GLYR1: variants seen among roughly 807,000 people sequenced by gnomAD.
GLYR1 encodes cytokine-like nuclear factor N-PAC.
A neutral mutation model predicts 72.7 loss-of-function variants in GLYR1; 21 were observed. That is an observed-to-expected ratio of 0.29 (90% CI 0.20 to 0.42). The LOEUF is 0.42. Ranked by LOEUF, GLYR1 falls within the 10% of genes least tolerant of loss-of-function variation. The pLI, the probability that GLYR1 is intolerant of heterozygous loss-of-function variation, is 1.00. For missense variants in GLYR1, 594 were observed against 712.1 expected (o/e 0.83, Z 1.89); for synonymous variants, 392 against 270.2 (o/e 1.45, Z -4.42).
intron 10 of GLYR1, among the ~76,000 whole-genome samples, chr16:4,816,026 T>C (rs9935151): frequency 1 from 152,379 of 152,380 alleles, 76,189 homozygotes; most frequent in Non-Finnish European, 1. Flanking sequence ...GTCTCTGCCT[T>C]CCAAAGTGCT....
intron 5 of GLYR1, among the ~76,000 whole-genome samples, chr16:4,827,319 G>C (rs1435847141): frequency 6.6e-6 from 1 of 152,104 alleles, no homozygotes; most frequent in Non-Finnish European, 1.5e-5. Flanking sequence ...GGGATGTATC[G>C]CATTTAAAAC....
At chr16:4,842,065 C>A (rs566301211) in intron 3 of GLYR1, among the ~76,000 whole-genome samples, 2 of 151,966 alleles carry the variant, frequency 1.3e-5, no homozygotes, top group African/African-American at 2.4e-5. Flanking sequence ...CATGGTGAAA[C>A]CCTGCCTCTA....
Position 4,810,929 on chromosome 16 carries a change from AC to A in GLYR1, c.1587+240del, listed in dbSNP as rs1403800019. On this transcript the variant is annotated intron_variant, in intron 15 of 15. Transcript: ENST00000321919. ...AGACCAGCCTGAACAACAAGGAGAAACCCCATCTCTGCTAAAAATACAAAAA... is the reference window on the plus strand; with the variant it reads ...AGACCAGCCTGAACAACAAGGAGAAACCCATCTCTGCTAAAAATACAAAAA... 2.0e-5 allele frequency among the ~76,000 whole-genome samples: 3 copies of A among 151,570 alleles called. No individual in the cohort carries two copies. In the East Asian group the frequency reaches 5.8e-4, roughly 29 times the overall value.
intron 3 of GLYR1, chr16:4,839,602 T>C (rs2085397643): frequency 6.6e-6 from 1 of 152,174 alleles, no homozygotes; most frequent in Admixed American, 6.5e-5. Context: ...GTCTTGGCCA[T>C]CTCGCTCAGG....
At chr16:4,822,089 T>C in intron 7 of GLYR1, among the ~76,000 whole-genome samples, 1 of 107,264 alleles carries the variant, frequency 9.3e-6, no homozygotes, top group Non-Finnish European at 2.0e-5. Context: ...GCTGGCTGAG[T>C]TTTAAATGCT....
At chr16:4,823,028 C>A (rs1044137583) in intron 6 of GLYR1, 97 bp from the exon 7 acceptor site, 2 of 970,866 alleles carry the variant, frequency 2.1e-6, no homozygotes, top group South Asian at 1.3e-5. Flanking sequence ...TGCAACACCT[C>A]TGGATTCTGG....
At chr16:4,841,759 T>C (rs2085572032) in intron 3 of GLYR1, among the ~76,000 whole-genome samples, 1 of 152,210 alleles carries the variant, frequency 6.6e-6, no homozygotes, top group Admixed American at 6.5e-5. Flanking sequence ...AATTATTCAT[T>C]TAGCTAATGA....
At chr16:4,817,280 C>T (rs1393038006) in intron 10 of GLYR1, among the ~76,000 whole-genome samples, 7 of 151,926 alleles carry the variant, frequency 4.6e-5, no homozygotes, top group South Asian at 2.1e-4. Context: ...CCACCACGCC[C>T]GGCTAATTTT....
chr16:4,828,557 G>A (rs1236453416), intron 5 of GLYR1, among the ~76,000 whole-genome samples: 1 of 152,188 alleles, frequency 6.6e-6, no homozygotes, highest in East Asian at 1.9e-4. Context: ...CCCAAGGGCT[G>A]TCTGCAGTTT....
Position 4,822,790 on chromosome 16 carries a change from T to C in GLYR1, c.681+85A>G. Reference sequence around the variant, plus strand: ...GCAATACACCGGCAGAGCCTAACTTTTCAGATGGCCAGGCCAGGACCCAGT... The same window carrying C: ...GCAATACACCGGCAGAGCCTAACTTCTCAGATGGCCAGGCCAGGACCCAGT... On this transcript the variant is annotated intron_variant, in intron 7 of 15. Transcript: ENST00000321919. 5.9e-6 allele frequency: 7 copies of C among 1,185,722 alleles called. No individual in the cohort carries two copies. In the South Asian group the frequency reaches 7.3e-5, roughly 12 times the overall value. 73.5% of individuals were successfully genotyped at this position (1,185,722 alleles called of 1,614,324 possible). A position where few individuals can be genotyped will look rare whatever the true frequency, so the allele number is the denominator to read the frequency against.
At chr16:4,817,320 C>T (rs1329593692) in intron 10 of GLYR1, among the ~76,000 whole-genome samples, 10 of 151,844 alleles carry the variant, frequency 6.6e-5, no homozygotes, top group Admixed American at 1.3e-4. Flanking sequence ...GGGGTTTCAC[C>T]GTGTTAGCCA....
intron 5 of GLYR1, 116 bp from the exon 6 acceptor site, chr16:4,824,023 C>G (rs2084219531): frequency 1.4e-6 from 1 of 720,616 alleles, no homozygotes; most frequent in Non-Finnish European, 2.4e-6. Context: ...GTTCTGATGA[C>G]CGTCCCTCGG....
intron 10 of GLYR1, among the ~76,000 whole-genome samples, chr16:4,816,810 AC>A (rs759489826): frequency 6.6e-6 from 1 of 151,942 alleles, no homozygotes; most frequent in East Asian, 2.0e-4. Context: ...ACATGGTGAA[AC>A]CCCTTCTCTA....
chr16:4,807,219 C>T (rs1470290434), intron 15 of GLYR1, among the ~76,000 whole-genome samples: 1 of 148,660 alleles, frequency 6.7e-6, no homozygotes, highest in African/African-American at 2.5e-5. Flanking sequence ...TCAAGTGATT[C>T]TCCTGTCCCA....
chr16:4,834,089 T>A (rs946429143), intron 3 of GLYR1, among the ~76,000 whole-genome samples: 42 of 152,256 alleles, frequency 2.8e-4, no homozygotes, highest in Admixed American at 4.6e-4. Context: ...TTACTAACCC[T>A]CCACCAGCTA....
At chr16:4,805,858 G>A (rs2082938029) in intron 15 of GLYR1, among the ~76,000 whole-genome samples, 1 of 152,050 alleles carries the variant, frequency 6.6e-6, no homozygotes, top group Non-Finnish European at 1.5e-5. Flanking sequence ...GCAGGTGCCT[G>A]TAATCCCAGC....
At chr16:4,838,347 TCA>T (rs2085300044) in intron 3 of GLYR1, among the ~76,000 whole-genome samples, 1 of 152,196 alleles carries the variant, frequency 6.6e-6, no homozygotes, top group African/African-American at 2.4e-5. Context: ...CACTGGTCTC[TCA>T]GTTTCCTCAT....
At chr16:4,828,618 G>T (rs2084585909) in intron 5 of GLYR1, among the ~76,000 whole-genome samples, 1 of 151,980 alleles carries the variant, frequency 6.6e-6, no homozygotes, top group African/African-American at 2.4e-5. Flanking sequence ...TGGCCTCTGG[G>T]GTTCTCACTG....
chr16:4,803,679 A>C lies in GLYR1; in HGVS notation c.*1557T>G, dbSNP rs2082812746. 6.6e-6 allele frequency: 1 copy of C among 151,586 alleles called. No individual in the cohort carries two copies. The highest frequency in any genetic ancestry group is 1.5e-5 in the Non-Finnish European group (1 of 67,958). 9.4% of individuals were successfully genotyped at this position (151,586 alleles called of 1,614,324 possible). ...GAACTGTGCTAAAAACCCGACAGGC[A>C]TCTTCCCTGCCCTCCCCCCACTCGT... On this transcript the variant is annotated 3_prime_UTR_variant, in exon 16 of 16. Coordinates refer to ENST00000321919, the MANE Select transcript of GLYR1 (RefSeq NM_032569.4).
Sources: gnomAD v4.1 joint callset for allele counts (sites outside exome capture counted in the v4.1 genomes callset) on GRCh38, gnomAD v4.1.1 for gene constraint, MANE v1.5 for transcripts, NCBI Gene and HGNC (gene_info 2026-07-23, HGNC 2026-07-21) for gene names.